TTC27: variants seen among roughly 807,000 people sequenced by gnomAD.
The protein encoded by TTC27 is tetratricopeptide repeat protein 27.
Under a neutral mutation model 115.9 loss-of-function variants are expected in TTC27, and 79 were observed. That is an observed-to-expected ratio of 0.68 (90% CI 0.57 to 0.82). TTC27 has a LOEUF of 0.82. TTC27 is among the 40% of genes least tolerant of loss of function. The pLI is 0.00. For missense variants in TTC27, 1,054 were observed against 993.1 expected (o/e 1.06, Z -0.82); for synonymous variants, 401 against 356.0 (o/e 1.13, Z -1.42).
intron 16 of TTC27, among the ~76,000 whole-genome samples, chr2:32,788,343 C>T (rs1358405105): frequency 6.6e-6 from 1 of 152,134 alleles, no homozygotes; most frequent in Non-Finnish European, 1.5e-5. Context: ...CAAAAAGGGA[C>T]CTTAGAAGTC....
intron 16 of TTC27, among the ~76,000 whole-genome samples, chr2:32,808,467 G>T (rs952125898): frequency 8.5e-5 from 13 of 152,246 alleles, no homozygotes; most frequent in African/African-American, 3.1e-4. Context: ...TCTCTCTTCT[G>T]GTGGTATCTG....
intron 18 of TTC27, among the ~76,000 whole-genome samples, chr2:32,813,737 A>C (rs893596315): frequency 2.0e-5 from 3 of 152,236 alleles, no homozygotes; most frequent in East Asian, 3.8e-4. Context: ...GAAAATTTAG[A>C]AATTAGCTTG....
At chr2:32,765,469 C>T (rs1325041433) in intron 13 of TTC27, among the ~76,000 whole-genome samples, 2 of 151,572 alleles carry the variant, frequency 1.3e-5, no homozygotes, top group Non-Finnish European at 2.9e-5. Context: ...CACTTACAGT[C>T]CTCAGGCAGA....
chr2:32,773,589 C>T (rs1409307307), intron 13 of TTC27, among the ~76,000 whole-genome samples: 1 of 152,226 alleles, frequency 6.6e-6, no homozygotes, highest in Non-Finnish European at 1.5e-5. Flanking sequence ...TGTCGAACCT[C>T]TCCTCTGTCT....
intron 9 of TTC27, among the ~76,000 whole-genome samples, chr2:32,700,748 C>T (rs1667157294): frequency 6.6e-6 from 1 of 152,122 alleles, no homozygotes; most frequent in South Asian, 2.1e-4. Flanking sequence ...TCACGTTGGC[C>T]AGGTTGGTCT....
At chr2:32,703,088 C>T (rs1336248917) in intron 10 of TTC27, among the ~76,000 whole-genome samples, 168 bp downstream of exon 10, 1 of 152,172 alleles carries the variant, frequency 6.6e-6, no homozygotes, top group Non-Finnish European at 1.5e-5. Flanking sequence ...TTCCAAAGCC[C>T]AGCTCTGTGA....
At chr2:32,729,651 T>G (rs1447287709) in intron 10 of TTC27, among the ~76,000 whole-genome samples, 3 of 152,134 alleles carry the variant, frequency 2.0e-5, no homozygotes, top group Non-Finnish European at 4.4e-5. Context: ...TGAAGTCACC[T>G]CTGGTATATC....
At chr2:32,657,353 CTTTTTTTTTTT>C (rs988569906) in intron 5 of TTC27, among the ~76,000 whole-genome samples, 11 of 128,328 alleles carry the variant, frequency 8.6e-5, no homozygotes, top group Admixed American at 8.3e-4. Flanking sequence ...CACTGTCTTT[CTTTTTTTTTTT>C]TTTTTTTGAG....
rs565152964 is a variant in TTC27 at position 32,735,588 on chromosome 2, A to G, written c.1330-1106A>G. 6.6e-5 allele frequency among the ~76,000 whole-genome samples: 10 copies of G among 152,268 alleles called. No homozygotes were observed. The South Asian group carries it at 2.1e-3, about 32-fold the overall frequency. ...TACTTTTTCTTGCATCATGGGGACT[A>G]TCTTTGTGTATTATTTTAAAGATTG... On this transcript the variant is annotated intron_variant, in intron 11 of 19. Transcript: ENST00000317907.
intron 13 of TTC27, among the ~76,000 whole-genome samples, chr2:32,770,908 C>T (rs1164125320): frequency 6.6e-6 from 1 of 152,114 alleles, no homozygotes; most frequent in Non-Finnish European, 1.5e-5. Context: ...ATAGGATGAA[C>T]ATATGTGAAT....
At chr2:32,666,316 AGAGAT>A (rs1345874531) in intron 6 of TTC27, among the ~76,000 whole-genome samples, 3 of 152,194 alleles carry the variant, frequency 2.0e-5, no homozygotes, top group African/African-American at 7.2e-5. Flanking sequence ...TCTGTGAAAA[AGAGAT>A]AATAATAGTT....
chr2:32,668,376 GAA>G (rs112747168), intron 7 of TTC27, among the ~76,000 whole-genome samples: 5 of 100,080 alleles, frequency 5.0e-5, no homozygotes, highest in East Asian at 3.0e-4. Context: ...AACTCCCTTT[GAA>G]AAAAAAAAAA....
Position 32,760,506 on chromosome 2 carries a change from A to G in TTC27, c.1680+1987A>G, listed in dbSNP as rs558222149. ...ACACAGCACAGCCCCCACAATAAAG[A>G]TTATCTGGCCTGTCATGCCACTAGT... On this transcript the variant is annotated intron_variant, in intron 13 of 19. Transcript: ENST00000317907. Among the ~76,000 whole-genome samples the G allele has an allele frequency of 2.0e-4, 31 of 152,082 alleles. No homozygotes were observed. In the East Asian group the frequency reaches 3.5e-3, roughly 17 times the overall value.
intron 5 of TTC27, among the ~76,000 whole-genome samples, chr2:32,658,098 G>T (rs1215463419): frequency 6.6e-6 from 1 of 152,072 alleles, no homozygotes; most frequent in Non-Finnish European, 1.5e-5. Flanking sequence ...AAAGTGCTGG[G>T]ATTATAGACA....
chr2:32,667,636 G>T (rs766230012), intron 7 of TTC27, among the ~76,000 whole-genome samples: 9 of 150,950 alleles, frequency 6.0e-5, no homozygotes, highest in Non-Finnish European at 7.4e-5. Context: ...GGCTGGTCTC[G>T]AACTCGCAAC....
At chr2:32,762,794 A>G (rs1358104403) in intron 13 of TTC27, among the ~76,000 whole-genome samples, 1 of 152,208 alleles carries the variant, frequency 6.6e-6, no homozygotes, top group African/African-American at 2.4e-5. Context: ...GGCACATGCC[A>G]CCATGCCCAG....
At chr2:32,819,748 T>C (rs1671618158) in intron 19 of TTC27, among the ~76,000 whole-genome samples, 1 of 152,152 alleles carries the variant, frequency 6.6e-6, no homozygotes, top group African/African-American at 2.4e-5. Context: ...AAGAGTGGCA[T>C]GAAGGGGCTG....
chr2:32,798,562 A>C (rs1670797961), intron 16 of TTC27, among the ~76,000 whole-genome samples: 1 of 150,834 alleles, frequency 6.6e-6, no homozygotes, highest in Non-Finnish European at 1.5e-5. Flanking sequence ...AAAATTAGCC[A>C]GGCGTGGTGG....
intron 13 of TTC27, among the ~76,000 whole-genome samples, chr2:32,774,076 A>G (rs1028863037): frequency 6.6e-6 from 1 of 152,236 alleles, no homozygotes; most frequent in Non-Finnish European, 1.5e-5. Context: ...AAGTGGATAT[A>G]AAATGTCTCA....
Sources: allele counts gnomAD v4.1 joint callset (sites outside exome capture counted in the v4.1 genomes callset), GRCh38; gene constraint gnomAD v4.1.1; transcripts MANE v1.5; gene names NCBI Gene and HGNC (gene_info 2026-07-23, HGNC 2026-07-21).